Variants in SLC38A9 observed in about 807,000 individuals in gnomAD.
SLC38A9 encodes solute carrier family 38 member 9.
SLC38A9 carries 48 observed loss-of-function variants against 62.3 expected under a neutral mutation model. The ratio of observed to expected loss-of-function variants is 0.77; its 90% CI spans 0.61 to 0.98. The LOEUF is 0.98. SLC38A9 is among the 50% of genes least tolerant of loss of function. The pLI is 0.00. For missense variants in SLC38A9, 541 were observed against 679.8 expected (o/e 0.80, Z 2.27); for synonymous variants, 204 against 227.7 (o/e 0.90, Z 0.94).
At chr5:55,665,716 C>T (rs1750355001) in intron 7 of SLC38A9, among the ~76,000 whole-genome samples, 2 of 152,048 alleles carry the variant, frequency 1.3e-5, no homozygotes, top group South Asian at 4.1e-4. Context: ...GTAATCCTAG[C>T]ACTTTGGGAG....
chr5:55,641,059 C>T (rs112323177), intron 12 of SLC38A9, among the ~76,000 whole-genome samples: 7,428 of 152,152 alleles, frequency 0.049, 312 homozygotes, highest in African/African-American at 0.11. Context: ...AGGCTGGTCT[C>T]GAACTCCCAA....
intron 3 of SLC38A9, among the ~76,000 whole-genome samples, chr5:55,674,224 C>T (rs1751764203): frequency 6.6e-6 from 1 of 152,104 alleles, no homozygotes; most frequent in Non-Finnish European, 1.5e-5. Flanking sequence ...TATAGGTCAA[C>T]TCAATGAATA....
intron 7 of SLC38A9, among the ~76,000 whole-genome samples, chr5:55,667,840 G>A (rs7710888): frequency 0.6 from 90,780 of 151,658 alleles, 27,733 homozygotes; most frequent in South Asian, 0.7. Flanking sequence ...AGCAATTCTC[G>A]TGCCTCAGCC....
chr5:55,693,837 G>A (rs954206509), intron 3 of SLC38A9, among the ~76,000 whole-genome samples: 6 of 152,074 alleles, frequency 3.9e-5, no homozygotes, highest in African/African-American at 9.7e-5. Context: ...AAGGTGGGAG[G>A]ATTGCTTGAG....
intron 10 of SLC38A9, among the ~76,000 whole-genome samples, chr5:55,650,407 G>A (rs1378490598): frequency 6.6e-6 from 1 of 152,214 alleles, no homozygotes; most frequent in African/African-American, 2.4e-5. Context: ...AAGAACAAAA[G>A]CAGAATATCC....
intron 3 of SLC38A9, among the ~76,000 whole-genome samples, chr5:55,680,198 G>T (rs1580323684): frequency 6.9e-6 from 1 of 145,748 alleles, no homozygotes; most frequent in Non-Finnish European, 1.5e-5. Flanking sequence ...AGACAGTAAA[G>T]GTTTCAGTGT....
At chr5:55,630,152 CCTT>C (rs1366053413) in intron 14 of SLC38A9, among the ~76,000 whole-genome samples, 12 of 152,292 alleles carry the variant, frequency 7.9e-5, no homozygotes, top group Non-Finnish European at 1.5e-4. Context: ...TAAAAGTACT[CCTT>C]CTTTTTCCAA....
intron 12 of SLC38A9, among the ~76,000 whole-genome samples, chr5:55,641,831 A>G (rs1300917497): frequency 6.6e-6 from 1 of 152,256 alleles, no homozygotes; most frequent in Admixed American, 6.5e-5. Context: ...CTTGTTATTT[A>G]TGTAGTGCTT....
At chr5:55,669,381 C>CA (rs1348630821) in intron 6 of SLC38A9, 60 bp from the exon 7 acceptor site, 67 of 1,442,424 alleles carry the variant, frequency 4.6e-5, no homozygotes, top group Non-Finnish European at 6.3e-5. Flanking sequence ...AATTCATATG[C>CA]AATTATTTTA....
intron 14 of SLC38A9, among the ~76,000 whole-genome samples, chr5:55,628,632 A>G (rs1053242824): frequency 2.6e-5 from 4 of 152,238 alleles, no homozygotes; most frequent in African/African-American, 7.2e-5. Context: ...AACACATTAT[A>G]TTAAGGGAAA....
intron 14 of SLC38A9, 180 bp downstream of exon 14, chr5:55,633,574 A>G (rs1743877463): frequency 5.7e-6 from 4 of 701,126 alleles, no homozygotes; most frequent in African/African-American, 5.4e-5. Flanking sequence ...ATCATTCTAG[A>G]CAAGGGAGTG....
intron 7 of SLC38A9, among the ~76,000 whole-genome samples, chr5:55,666,310 A>ATT: frequency 6.6e-6 from 1 of 152,340 alleles, no homozygotes; most frequent in East Asian, 1.9e-4. Flanking sequence ...TTTGTTTTAC[A>ATT]TTTCAATGTT....
chr5:55,652,779 A>C, intron 9 of SLC38A9, 56 bp from the exon 10 acceptor site: 1 of 1,445,774 alleles, frequency 6.9e-7, no homozygotes, highest in Non-Finnish European at 9.4e-7. Flanking sequence ...ACAAAACAAA[A>C]CAAAAAACAG....
chr5:55,690,882 A>G (rs1190712364), intron 3 of SLC38A9, among the ~76,000 whole-genome samples: 1 of 152,012 alleles, frequency 6.6e-6, no homozygotes, highest in Admixed American at 6.5e-5. Flanking sequence ...TCCCATCAGA[A>G]TCCTTTTATT....
chr5:55,637,494 C>T (rs780513370), intron 12 of SLC38A9, among the ~76,000 whole-genome samples: 1 of 152,170 alleles, frequency 6.6e-6, no homozygotes, highest in Non-Finnish European at 1.5e-5. Context: ...CCCTTGACAT[C>T]CCTAAAATAG....
In SLC38A9 at chr5:55,649,201, G is replaced by T; in HGVS notation, c.1060+6C>A. On this transcript the variant is annotated splice_donor_region_variant and intron_variant, in intron 11 of 15. Coordinates refer to ENST00000396865, the MANE Select transcript of SLC38A9 (RefSeq NM_173514.4). ...TTATAATTTATTATTTTGCCAAAAA[G>T]CTCACCTGGTACAAAAAATTCTGTT... The T allele has an allele frequency of 2.0e-6, 3 of 1,531,828 alleles. No individual in the cohort carries two copies. The highest frequency in any genetic ancestry group is 2.7e-6 in the Non-Finnish European group (3 of 1,125,400). The allele number at this position is 1,531,828 out of a possible 1,614,324, so 94.9% of individuals were successfully genotyped here.
chr5:55,635,292 G>A (rs1218949823), intron 13 of SLC38A9: 3 of 518,574 alleles, frequency 5.8e-6, no homozygotes, highest in Non-Finnish European at 1.0e-5. Flanking sequence ...AAGGTGCCTG[G>A]CATGTAGTAC....
At chr5:55,637,256 T>C (rs183060499) in intron 12 of SLC38A9, among the ~76,000 whole-genome samples, 2 of 152,292 alleles carry the variant, frequency 1.3e-5, no homozygotes, top group East Asian at 3.9e-4. Context: ...TCTGACATCT[T>C]GCAAAGAAGT....
At chr5:55,652,282 C>T (rs938139954) in intron 10 of SLC38A9, among the ~76,000 whole-genome samples, 5 of 138,934 alleles carry the variant, frequency 3.6e-5, no homozygotes, top group African/African-American at 1.1e-4. Context: ...GCTTGAACCC[C>T]GGAAGCAGAG....
Sources: gnomAD v4.1 joint callset for allele counts (sites outside exome capture counted in the v4.1 genomes callset) on GRCh38, gnomAD v4.1.1 for gene constraint, MANE v1.5 for transcripts, NCBI Gene and HGNC (gene_info 2026-07-23, HGNC 2026-07-21) for gene names.